UTRN: variants seen among roughly 807,000 people sequenced by gnomAD.
UTRN encodes the protein utrophin.
UTRN carries 283 observed loss-of-function variants against 463.9 expected under a neutral mutation model. The observed-to-expected ratio is 0.61, with a 90% CI of 0.55 to 0.67. The LOEUF (loss-of-function observed/expected upper bound fraction) is 0.67. UTRN is among the 30% of genes least tolerant of loss of function. UTRN has a pLI of 0.00. For synonymous variants in UTRN, 1,442 were observed against 1,431.5 expected (o/e 1.01, Z -0.17); for missense variants, 3,922 against 4,084.3 (o/e 0.96, Z 1.08).
chr6:144,832,759 C>T (rs189473050), intron 69 of UTRN, among the ~76,000 whole-genome samples: 1 of 152,044 alleles, frequency 6.6e-6, no homozygotes, highest in South Asian at 2.1e-4. Flanking sequence ...TTATTATTTT[C>T]TTTTAGGTAT....
chr6:144,488,685 C>G lies in UTRN; in HGVS notation c.3985C>G (p.Gln1329Glu). 1 of 1,612,198 alleles carries G rather than the reference C, an allele frequency of 6.2e-7. No homozygotes were observed. Among genetic ancestry groups the G allele is most frequent in the South Asian group, 1.1e-5 (1 of 90,716 alleles). The change falls in exon 30 of 75, where the codon CAG becomes GAG. Residue 1329 changes from glutamine to glutamate, a missense_variant. Gln to Glu is a conservative substitution (Grantham distance 29, BLOSUM62 2). Around this residue, in one of 3 missense-constraint regions of UTRN, gnomAD observed 2,349 missense variants for 2,303.8 expected, o/e 1.02. Transcript: ENST00000367545. Reference protein sequence around the residue: ...EDLSHLAESKQISLEKQLQVL... With the variant: ...EDLSHLAESKEISLEKQLQVL... ...CTCCTTTGTGCAGGCAGAGAGCAAG[C>G]AGATTTCTTTGGAAAAGCAACTCCA... is the stretch of plus-strand genomic sequence containing the variant.
At chr6:144,708,996 C>T (rs553648728) in intron 53 of UTRN, among the ~76,000 whole-genome samples, 3 of 152,120 alleles carry the variant, frequency 2.0e-5, no homozygotes, top group Non-Finnish European at 2.9e-5. Context: ...TATAACTAAC[C>T]CACTCCCACT....
chr6:144,688,988 A>G (rs1039791470), intron 52 of UTRN, among the ~76,000 whole-genome samples: 1 of 152,058 alleles, frequency 6.6e-6, no homozygotes, highest in African/African-American at 2.4e-5. Context: ...TTCAGGGAAA[A>G]GGGAGGAAGC....
rs1210170543 is a variant in UTRN at position 144,841,216 on chromosome 6, T to A, written c.10270+384T>A. Among the ~76,000 whole-genome samples, 3 of 152,242 alleles carry A rather than the reference T, an allele frequency of 2.0e-5. No homozygotes were observed. In the East Asian group the frequency reaches 5.8e-4, roughly 29 times the overall value. On this transcript the variant is annotated intron_variant, in intron 73 of 74. Transcript: ENST00000367545. ...TGCCAAACAAGGCATGGAAACAGCC[T>A]TTCTAGTGTAATTCCCTCTCTTTTC...
chr6:144,468,420 T>G (rs1376322652), intron 23 of UTRN, among the ~76,000 whole-genome samples: 1 of 152,238 alleles, frequency 6.6e-6, no homozygotes, highest in Non-Finnish European at 1.5e-5. Context: ...GTATTCGTAA[T>G]TTTATATTCA....
intron 21 of UTRN, among the ~76,000 whole-genome samples, chr6:144,460,966 A>G (rs117631232): frequency 0.04 from 6,076 of 152,342 alleles, 181 homozygotes; most frequent in Middle Eastern, 0.082. Context: ...AAGAAAAATT[A>G]TAGTGGGTTA....
rs12662904 is a variant in UTRN, at chr6:144,374,910, C to T, written c.80-28213C>T. Among the ~76,000 whole-genome samples, 1,031 of 145,776 alleles carry T rather than the reference C, an allele frequency of 7.1e-3. 49 individuals carry two copies. The East Asian group carries it at 0.13, about 18-fold the overall frequency. ...GCAGTGAGCTGAGATTGTGCCTCTG[C>T]ACTCCAGCCTGGGTGACAGAGTGAG... On this transcript the variant is annotated intron_variant, in intron 2 of 74. Transcript: ENST00000367545.
rs182751717 is a variant in UTRN, at chr6:144,468,297, G to A, written c.3067-5423G>A. Among the ~76,000 whole-genome samples the A allele has an allele frequency of 2.5e-3, 384 of 152,264 alleles. 5 individuals are homozygous for A. The highest frequency in any genetic ancestry group is 9.0e-3 in the African/African-American group (374 of 41,552). On this transcript the variant is annotated intron_variant, in intron 23 of 74. Transcript: ENST00000367545. ...TTCCTTGTCCGTGATCCCATAGCAG[G>A]TTGTTGCCCATCTGAAATGCTTAGA...
At chr6:144,702,606 C>T (rs986887376) in intron 53 of UTRN, among the ~76,000 whole-genome samples, 2 of 152,058 alleles carry the variant, frequency 1.3e-5, no homozygotes, top group African/African-American at 4.8e-5. Flanking sequence ...GGATTATAGG[C>T]CAAGGTGCTA....
intron 41 of UTRN, among the ~76,000 whole-genome samples, chr6:144,529,314 G>A (rs573550350): frequency 6.6e-6 from 1 of 152,336 alleles, no homozygotes; most frequent in East Asian, 1.9e-4. Flanking sequence ...GCAGCATGCA[G>A]CAGCATTCCA....
intron 14 of UTRN, among the ~76,000 whole-genome samples, chr6:144,446,671 C>T (rs1584819281): frequency 6.6e-6 from 1 of 152,162 alleles, no homozygotes; most frequent in Admixed American, 6.5e-5. Context: ...TCTTCAGACT[C>T]CCTCCTTTAA....
At chr6:144,669,339 TTTTG>T (rs1276139989) in intron 51 of UTRN, among the ~76,000 whole-genome samples, 33 of 152,304 alleles carry the variant, frequency 2.2e-4, no homozygotes, top group East Asian at 9.6e-4. Flanking sequence ...GTTACACTAT[TTTTG>T]TTTATTTTTG....
intron 51 of UTRN, among the ~76,000 whole-genome samples, chr6:144,635,514 C>CTTTTTTTTTTTTTTTTTTTTTTTTTTT (rs1402815648): frequency 8.7e-5 from 7 of 80,012 alleles, no homozygotes; most frequent in Non-Finnish European, 1.6e-4. Context: ...CTTTTTTTTT[C>CTTTTTTTTTTTTTTTTTTTTTTTTTTT]TTTTTTTTTT....
chr6:144,461,022 T>A (rs1218969188), intron 21 of UTRN, among the ~76,000 whole-genome samples, 175 bp from the exon 22 acceptor site: 3 of 152,254 alleles, frequency 2.0e-5, no homozygotes, highest in African/African-American at 4.8e-5. Flanking sequence ...AGTCACTGTC[T>A]GACTCTCAGA....
At chr6:144,661,719 C>T (rs773721154) in intron 51 of UTRN, among the ~76,000 whole-genome samples, 117 of 152,016 alleles carry the variant, frequency 7.7e-4, no homozygotes, top group Non-Finnish European at 1.3e-3. Flanking sequence ...TTACTTAGAC[C>T]CCCTGAGAGG....
chr6:144,462,568 G>A, intron 22 of UTRN, 86 bp from the exon 23 acceptor site: 1 of 1,272,086 alleles, frequency 7.9e-7, no homozygotes, highest in South Asian at 1.4e-5. Flanking sequence ...ATTTTAAAGT[G>A]ACTTTTGACT....
At chr6:144,814,965 C>T (rs1778949039) in intron 65 of UTRN, among the ~76,000 whole-genome samples, 2 of 152,048 alleles carry the variant, frequency 1.3e-5, no homozygotes, top group South Asian at 4.2e-4. Context: ...TGCATATTTC[C>T]CAGCTCTGTG....
chr6:144,779,695 C>G (rs1775646479), intron 60 of UTRN, among the ~76,000 whole-genome samples: 1 of 152,130 alleles, frequency 6.6e-6, no homozygotes, highest in Non-Finnish European at 1.5e-5. Context: ...GAAAAAACTC[C>G]ACGTGTAGGT....
intron 50 of UTRN, among the ~76,000 whole-genome samples, chr6:144,568,348 T>G (rs570249216): frequency 1.2e-3 from 177 of 152,310 alleles, no homozygotes; most frequent in African/African-American, 4.1e-3. Context: ...AACAAAAGAT[T>G]TAGAAAAAAA....
Sources: allele counts gnomAD v4.1 joint callset (sites outside exome capture counted in the v4.1 genomes callset), GRCh38; gene constraint gnomAD v4.1.1; regional missense constraint gnomAD v4.1.1; transcripts MANE v1.5; gene names NCBI Gene and HGNC (gene_info 2026-07-23, HGNC 2026-07-21).